Variants in DMRT1 observed in about 807,000 individuals in gnomAD.
DMRT1 encodes the protein doublesex and mab-3 related transcription factor 1, also known as doublesex- and mab-3-related transcription factor 1.
A neutral mutation model predicts 32.3 loss-of-function variants in DMRT1; 7 were observed. The ratio of observed to expected loss-of-function variants is 0.22; its 90% CI spans 0.12 to 0.41. DMRT1 has a LOEUF of 0.41. Ranked by LOEUF, DMRT1 falls within the 10% of genes least tolerant of loss-of-function variation. The pLI is 1.00. For missense variants in DMRT1, 625 were observed against 500.5 expected, an observed-to-expected ratio of 1.25 and a Z score of -2.37; for synonymous variants, 278 against 206.1, an observed-to-expected ratio of 1.35 and a Z score of -2.99.
chr9:851,819 T>C (rs1025495151), intron 2 of DMRT1, among the ~76,000 whole-genome samples: 1 of 152,126 alleles, frequency 6.6e-6, no homozygotes, highest in African/African-American at 2.4e-5. Flanking sequence ...GTGTAAAATA[T>C]TTTTGTTGTT....
intron 4 of DMRT1, among the ~76,000 whole-genome samples, chr9:926,833 T>A (rs1333406117): frequency 6.6e-6 from 1 of 152,210 alleles, no homozygotes; most frequent in Non-Finnish European, 1.5e-5. Context: ...CTTCATGGGA[T>A]TCAGGTGTGG....
intron 4 of DMRT1, among the ~76,000 whole-genome samples, chr9:927,217 G>T (rs73380434): frequency 1.3e-5 from 2 of 152,158 alleles, no homozygotes; most frequent in Non-Finnish European, 2.9e-5. Context: ...TCCTTCTTTC[G>T]GCCGGCCGCT....
At chr9:954,714 T>C (rs1164666152) in intron 4 of DMRT1, among the ~76,000 whole-genome samples, 1 of 152,162 alleles carries the variant, frequency 6.6e-6, no homozygotes, top group Non-Finnish European at 1.5e-5. Context: ...CGATCCCGGC[T>C]CACTGTAACC....
intron 2 of DMRT1, among the ~76,000 whole-genome samples, chr9:893,294 G>T (rs937101313): frequency 1.3e-5 from 2 of 152,242 alleles, no homozygotes; most frequent in African/African-American, 4.8e-5. Context: ...GGTTAGATCA[G>T]CCCACTGCCT....
chr9:862,229 C>T (rs1019206787), intron 2 of DMRT1, among the ~76,000 whole-genome samples: 10 of 152,078 alleles, frequency 6.6e-5, no homozygotes, highest in South Asian at 4.2e-4. Flanking sequence ...ACTGAGTGAG[C>T]GAGACTCCGT....
rs538352314 is a variant in DMRT1, at chr9:965,446, T to C, written c.968-2539T>C. Reference sequence around the variant, plus strand: ...TCCATGCAGGTAATATTCTGCATGCTTTGTGGCCCCACGTCGCAAGAGCAC... The same window carrying C: ...TCCATGCAGGTAATATTCTGCATGCCTTGTGGCCCCACGTCGCAAGAGCAC... On this transcript the variant is annotated intron_variant, in intron 4 of 4. Transcript: ENST00000382276. This position sits in a 1 kb window ranked among gnomAD's most constrained non-coding sequence, Gnocchi z 4.5. Among the ~76,000 whole-genome samples the C allele has an allele frequency of 1.0e-3, 152 of 152,332 alleles. No homozygotes were observed. The highest frequency in any genetic ancestry group is 2.0e-3 in the Non-Finnish European group (138 of 68,022).
intron 2 of DMRT1, among the ~76,000 whole-genome samples, chr9:891,942 G>C (rs73374751): frequency 0.038 from 5,796 of 152,292 alleles, 157 homozygotes; most frequent in African/African-American, 0.078. Context: ...AAGCACGGAG[G>C]ACACAGTGGT....
intron 4 of DMRT1, among the ~76,000 whole-genome samples, chr9:935,530 A>G (rs562485859): frequency 1.3e-5 from 2 of 152,344 alleles, no homozygotes; most frequent in East Asian, 1.9e-4. Context: ...GATGAGCGAT[A>G]GATTGGGTTA....
Position 968,335 on chromosome 9 carries a change from T to C in DMRT1, c.*196T>C, listed in dbSNP as rs1164874221. The C allele has an allele frequency of 3.4e-6, 2 of 594,602 alleles. No homozygotes were observed. Among genetic ancestry groups the C allele is most frequent in the Middle Eastern group, 4.6e-4 (1 of 2,190 alleles). 36.8% of individuals were successfully genotyped at this position (594,602 alleles called of 1,614,324 possible). On this transcript the variant is annotated 3_prime_UTR_variant, in exon 5 of 5. Transcript: ENST00000382276. ...GGGTCCGTGACTACCATCTGCATGG[T>C]TTAAGTGCTTTACTCACGGAGTTTA... is the stretch of plus-strand genomic sequence containing the variant.
At chr9:868,389 TG>T (rs1216537652) in intron 2 of DMRT1, among the ~76,000 whole-genome samples, 1 of 152,204 alleles carries the variant, frequency 6.6e-6, no homozygotes, top group East Asian at 1.9e-4. Flanking sequence ...TAATATCCGG[TG>T]TATTGATGAT....
At chr9:846,252 C>G (rs544152115) in intron 1 of DMRT1, among the ~76,000 whole-genome samples, 3 of 152,014 alleles carry the variant, frequency 2.0e-5, no homozygotes, top group Non-Finnish European at 2.9e-5. Flanking sequence ...AGGCCGATCT[C>G]GAACTCCTGA....
At chr9:892,083 C>T (rs1817173667) in intron 2 of DMRT1, among the ~76,000 whole-genome samples, 1 of 152,140 alleles carries the variant, frequency 6.6e-6, no homozygotes, top group African/African-American at 2.4e-5. Flanking sequence ...TGCAGGCCTG[C>T]ATCTGCTCCT....
At chr9:871,726 G>T (rs4742517) in intron 2 of DMRT1, among the ~76,000 whole-genome samples, 45 of 146,998 alleles carry the variant, frequency 3.1e-4, no homozygotes, top group Admixed American at 1.4e-3. Context: ...CGCCCGCCTC[G>T]GCCTCCCAAA....
chr9:892,505 A>T (rs1023636461), intron 2 of DMRT1, among the ~76,000 whole-genome samples: 1 of 151,890 alleles, frequency 6.6e-6, no homozygotes, highest in African/African-American at 2.4e-5. Flanking sequence ...TCAGCCCTCC[A>T]GTTCTGTTGC....
In DMRT1 at chr9:872,964, G is replaced by C. The variant is rs371906957; in HGVS notation, c.539-20948G>C. Among the ~76,000 whole-genome samples the C allele has an allele frequency of 4.6e-5, 7 of 152,302 alleles. 1 individual carries two copies. Among genetic ancestry groups the C allele is most frequent in the African/African-American group, 1.7e-4 (7 of 41,560 alleles). The stretch of plus-strand genomic sequence containing the variant: ...ACGATGTCCCCCCACATTAAAGGCA[G>C]ATCTTCTCTACTCTGTTCATGGATT... On this transcript the variant is annotated intron_variant, in intron 2 of 4. Transcript: ENST00000382276.
intron 4 of DMRT1, among the ~76,000 whole-genome samples, chr9:954,995 GAT>G (rs1819552078): frequency 6.6e-6 from 1 of 152,202 alleles, no homozygotes; most frequent in African/African-American, 2.4e-5. Context: ...CAGGGAAAGA[GAT>G]ATACATTGTG....
intron 4 of DMRT1, among the ~76,000 whole-genome samples, chr9:946,529 A>T (rs149959299): frequency 3.6e-4 from 55 of 152,218 alleles, no homozygotes; most frequent in African/African-American, 1.3e-3. Flanking sequence ...AGGTCATAAG[A>T]CAAGCCCCGG....
intron 2 of DMRT1, among the ~76,000 whole-genome samples, chr9:859,425 G>T (rs898208804): frequency 1.3e-5 from 2 of 152,254 alleles, no homozygotes; most frequent in Admixed American, 1.3e-4. Context: ...GTGGAGTAGG[G>T]GTGCCTGTGG....
Position 968,314 on chromosome 9 carries a change from C to G in DMRT1, c.*175C>G, listed in dbSNP as rs1308610105. The G allele has an allele frequency of 7.1e-6, 5 of 701,120 alleles. No homozygotes were observed. The highest frequency in any genetic ancestry group is 2.6e-5 in the Admixed American group (1 of 39,056). 43.4% of individuals were successfully genotyped at this position (701,120 alleles called of 1,614,324 possible). A position where few individuals can be genotyped will look rare whatever the true frequency, so the allele number is the denominator to read the frequency against. ...TAACACATTTGTAATACTTTAGGGT[C>G]CGTGACTACCATCTGCATGGTTTAA... On this transcript the variant is annotated 3_prime_UTR_variant, in exon 5 of 5. Transcript: ENST00000382276.
Sources: gnomAD v4.1 joint callset for allele counts (sites outside exome capture counted in the v4.1 genomes callset) on GRCh38, gnomAD v4.1.1 for gene constraint, Gnocchi (gnomAD v3.1) non-coding constraint, MANE v1.5 for transcripts, NCBI Gene and HGNC (gene_info 2026-07-23, HGNC 2026-07-21) for gene names.